The following MAPKAP1 variants were observed in gnomAD, a reference collection of about 807,000 sequenced individuals.
The protein encoded by MAPKAP1 is MAPK associated protein 1.
Under a neutral mutation model 65.7 loss-of-function variants are expected in MAPKAP1, and 20 were observed. That is an observed-to-expected ratio of 0.30 (90% CI 0.21 to 0.44). MAPKAP1 has a LOEUF of 0.44. Among genes scored for constraint, MAPKAP1 ranks in the 20% least tolerant of loss-of-function variants. The pLI, the probability that MAPKAP1 is intolerant of heterozygous loss-of-function variation, is 1.00. For synonymous variants in MAPKAP1, 222 were observed against 244.3 expected (o/e 0.91, Z 0.85); for missense variants, 423 against 648.0 (o/e 0.65, Z 3.77).
chr9:125,505,110 A>C (rs937329912), intron 8 of MAPKAP1, among the ~76,000 whole-genome samples: 3 of 152,168 alleles, frequency 2.0e-5, no homozygotes, highest in Non-Finnish European at 4.4e-5. Context: ...CATTTTGGGA[A>C]GCCAAGGTAG....
chr9:125,682,136 G>A (rs1033721936), intron 1 of MAPKAP1, among the ~76,000 whole-genome samples: 6 of 152,166 alleles, frequency 3.9e-5, no homozygotes, highest in African/African-American at 1.4e-4. Context: ...TCAGGAAAAT[G>A]TACCATGGTT....
At chr9:125,627,185 A>G (rs891676662) in intron 4 of MAPKAP1, among the ~76,000 whole-genome samples, 1 of 152,162 alleles carries the variant, frequency 6.6e-6, no homozygotes, top group African/African-American at 2.4e-5. Flanking sequence ...TAGAACAGAA[A>G]CTACTGCAAT....
intron 4 of MAPKAP1, among the ~76,000 whole-genome samples, chr9:125,638,732 G>A (rs932329269): frequency 6.6e-6 from 1 of 152,162 alleles, no homozygotes; most frequent in South Asian, 2.1e-4. Flanking sequence ...AGCACATAAA[G>A]CATTCTGTCA....
At chr9:125,500,862 TTCC>T (rs1828956776) in intron 8 of MAPKAP1, among the ~76,000 whole-genome samples, 1 of 152,186 alleles carries the variant, frequency 6.6e-6, no homozygotes, top group African/African-American at 2.4e-5. Flanking sequence ...TATGAATTAG[TTCC>T]TCAAGTATGT....
At chr9:125,466,012 G>A (rs1019856276) in intron 10 of MAPKAP1, among the ~76,000 whole-genome samples, 3 of 152,224 alleles carry the variant, frequency 2.0e-5, no homozygotes, top group Non-Finnish European at 4.4e-5. Context: ...GGGCTATGAG[G>A]CTAGCGTGTC....
chr9:125,537,151 C>G (rs1391098441), intron 7 of MAPKAP1, among the ~76,000 whole-genome samples: 1 of 152,150 alleles, frequency 6.6e-6, no homozygotes, highest in East Asian at 1.9e-4. Flanking sequence ...GCCTGGGCTC[C>G]AATTTAGATT....
At chr9:125,557,253 C>T (rs1830762794) in intron 6 of MAPKAP1, among the ~76,000 whole-genome samples, 1 of 152,180 alleles carries the variant, frequency 6.6e-6, no homozygotes, top group African/African-American at 2.4e-5. Flanking sequence ...CTACTGAAAA[C>T]TCAGTGATTT....
At chr9:125,546,399 T>C (rs1830426048) in intron 6 of MAPKAP1, among the ~76,000 whole-genome samples, 1 of 152,064 alleles carries the variant, frequency 6.6e-6, no homozygotes, top group African/African-American at 2.4e-5. Flanking sequence ...TGGGGGGAGA[T>C]GGGCAGGGTT....
intron 1 of MAPKAP1, among the ~76,000 whole-genome samples, chr9:125,683,093 TTATAGGTGCCCGC>T (rs1367998107): frequency 6.6e-6 from 1 of 151,770 alleles, no homozygotes; most frequent in African/African-American, 2.4e-5. Context: ...GTAGCTGAGA[TTATAGGTGCCCGC>T]CACCACGCCC....
chr9:125,545,160 C>T, intron 6 of MAPKAP1, among the ~76,000 whole-genome samples: 1 of 152,208 alleles, frequency 6.6e-6, no homozygotes, highest in East Asian at 1.9e-4. Flanking sequence ...CCATTCTTTA[C>T]CTCAGAAGCT....
In MAPKAP1 at chr9:125,672,383, A is replaced by T; in HGVS notation, c.192T>A (p.Tyr64Ter). 6.2e-7 allele frequency: 1 copy of T among 1,614,046 alleles called. No individual in the cohort carries two copies. The highest frequency in any genetic ancestry group is 8.5e-7 in the Non-Finnish European group (1 of 1,179,860). The part of the protein sequence containing the change: ...IQGSNGETQG[Y>*]VYAQSVDITS... ...TAATATCGACTGACTGGGCATATACATAGCCCTGAGTCTCACCATTGCTTC... is the reference window on the plus strand; with the variant it reads ...TAATATCGACTGACTGGGCATATACTTAGCCCTGAGTCTCACCATTGCTTC... Residue 64 changes from tyrosine to a stop codon, truncating the protein, a stop_gained, in exon 2 of 12, where the codon TAT becomes TAA. Coordinates refer to ENST00000265960, the MANE Select transcript of MAPKAP1 (RefSeq NM_001006617.3). LOFTEE classifies it high-confidence loss of function.
At chr9:125,551,897 C>T (rs890228938) in intron 6 of MAPKAP1, among the ~76,000 whole-genome samples, 3 of 152,142 alleles carry the variant, frequency 2.0e-5, no homozygotes, top group African/African-American at 7.2e-5. Context: ...CTCATTCTCC[C>T]TTGTCCTACT....
chr9:125,690,872 TA>T (rs1190294559), intron 1 of MAPKAP1, among the ~76,000 whole-genome samples: 2 of 152,172 alleles, frequency 1.3e-5, no homozygotes, highest in African/African-American at 4.8e-5. Flanking sequence ...AGACTAGTTA[TA>T]AAGCTGTGAA....
intron 3 of MAPKAP1, among the ~76,000 whole-genome samples, chr9:125,667,900 T>A (rs567023249): frequency 6.6e-6 from 1 of 152,314 alleles, no homozygotes; most frequent in East Asian, 1.9e-4. Flanking sequence ...ATATAAAGTA[T>A]TTTCAGTTTG....
Position 125,447,796 on chromosome 9 carries a change from T to A in MAPKAP1, c.1346-3198A>T, listed in dbSNP as rs973925952. On this transcript the variant is annotated intron_variant, in intron 10 of 11. Coordinates refer to ENST00000265960, the MANE Select transcript of MAPKAP1 (RefSeq NM_001006617.3). The surrounding 1 kb of genome is among the most constrained non-coding windows in gnomAD (Gnocchi z 4.5). ...AGAAGAGCCACTAGGGACAGTTTCT[T>A]GGGAGGAGCTGACACCTCCGCAGTT... Among the ~76,000 whole-genome samples, 103 of 151,972 alleles carry A rather than the reference T, an allele frequency of 6.8e-4. 2 individuals carry two copies. Among genetic ancestry groups the A allele is most frequent in the African/African-American group, 2.4e-3 (99 of 41,384 alleles).
At chr9:125,530,925 T>TAC (rs1829916037) in intron 7 of MAPKAP1, among the ~76,000 whole-genome samples, 1 of 152,232 alleles carries the variant, frequency 6.6e-6, no homozygotes, top group African/African-American at 2.4e-5. Flanking sequence ...GAGCGCCTAC[T>TAC]ATGGACTAAG....
chr9:125,458,231 T>A lies in MAPKAP1; in HGVS notation c.1345+9741A>T, dbSNP rs7032359. ...GCATATGGAGTCTTTTTTTTTTTTT[T>A]TTTAATTGATCATTCTTGGGTGTTT... On this transcript the variant is annotated intron_variant, in intron 10 of 11. Transcript: ENST00000265960. Among the ~76,000 whole-genome samples the A allele has an allele frequency of 5.8e-3, 889 of 152,084 alleles. 10 individuals carry two copies. The highest frequency in any genetic ancestry group is 0.02 in the African/African-American group (827 of 41,462).
At chr9:125,602,203 T>G (rs1016719181) in intron 4 of MAPKAP1, among the ~76,000 whole-genome samples, 2 of 152,232 alleles carry the variant, frequency 1.3e-5, no homozygotes, top group African/African-American at 4.8e-5. Context: ...CAATGAGCCG[T>G]GATCACACCA....
At chr9:125,613,201 A>C (rs1350543467) in intron 4 of MAPKAP1, among the ~76,000 whole-genome samples, 3 of 152,194 alleles carry the variant, frequency 2.0e-5, no homozygotes, top group Non-Finnish European at 4.4e-5. Flanking sequence ...TCCAACGCAG[A>C]CCTGAAGGTG....
Sources: gnomAD v4.1 joint callset for allele counts (sites outside exome capture counted in the v4.1 genomes callset) on GRCh38, gnomAD v4.1.1 for gene constraint, Gnocchi (gnomAD v3.1) non-coding constraint, MANE v1.5 for transcripts, NCBI Gene and HGNC (gene_info 2026-07-23, HGNC 2026-07-21) for gene names.